The following ADAM12 variants were observed in gnomAD, a reference collection of about 807,000 sequenced individuals.
ADAM12 encodes the protein ADAM metallopeptidase domain 12.
A neutral mutation model predicts 106.4 loss-of-function variants in ADAM12; 70 were observed. The ratio of observed to expected loss-of-function variants is 0.66; its 90% CI spans 0.54 to 0.80. ADAM12 has a LOEUF of 0.80. Among genes scored for constraint, ADAM12 ranks in the 30% least tolerant of loss-of-function variants. ADAM12 has a pLI of 0.00. For synonymous variants in ADAM12, 420 were observed against 433.5 expected, an observed-to-expected ratio of 0.97 and a Z score of 0.39; for missense variants, 1,010 against 1,171.9, an observed-to-expected ratio of 0.86 and a Z score of 2.02.
chr10:126,263,840 C>T (rs1959047470), intron 3 of ADAM12, among the ~76,000 whole-genome samples: 1 of 152,066 alleles, frequency 6.6e-6, no homozygotes, highest in Non-Finnish European at 1.5e-5. Context: ...TATGTAATAT[C>T]TATACAGGTA....
chr10:126,232,979 T>C (rs890389778), intron 3 of ADAM12, among the ~76,000 whole-genome samples: 2 of 152,026 alleles, frequency 1.3e-5, no homozygotes, highest in East Asian at 1.9e-4. Context: ...GGGAAAGATG[T>C]GGCATCTCGA....
chr10:126,241,803 T>C (rs1958529726), intron 3 of ADAM12, among the ~76,000 whole-genome samples: 1 of 152,234 alleles, frequency 6.6e-6, no homozygotes, highest in Non-Finnish European at 1.5e-5. Context: ...CAGCAGATGC[T>C]TAATAAATGG....
chr10:126,039,666 G>A (rs1018207206), intron 18 of ADAM12, among the ~76,000 whole-genome samples: 1 of 152,176 alleles, frequency 6.6e-6, no homozygotes, highest in African/African-American at 2.4e-5. Flanking sequence ...ATATATAGTC[G>A]GGTAGGTGGG....
At chr10:126,060,409 C>G (rs1199883518) in intron 14 of ADAM12, among the ~76,000 whole-genome samples, 1 of 152,152 alleles carries the variant, frequency 6.6e-6, no homozygotes, top group East Asian at 1.9e-4. Flanking sequence ...TTCTGGGCAA[C>G]TCAGCAACTC....
intron 2 of ADAM12, among the ~76,000 whole-genome samples, chr10:126,285,647 C>T (rs1959820866): frequency 6.6e-6 from 1 of 152,196 alleles, no homozygotes; most frequent in Non-Finnish European, 1.5e-5. Flanking sequence ...TACTCCAAAT[C>T]CCTCTTTCCT....
chr10:126,164,727 C>T (rs1333725919), intron 3 of ADAM12, among the ~76,000 whole-genome samples: 2 of 152,162 alleles, frequency 1.3e-5, no homozygotes, highest in East Asian at 3.8e-4. Context: ...CCGGACCCTG[C>T]ATCCTCTGAA....
chr10:126,246,859 A>G (rs1009688400), intron 3 of ADAM12, among the ~76,000 whole-genome samples: 1 of 152,232 alleles, frequency 6.6e-6, no homozygotes, highest in Non-Finnish European at 1.5e-5. Flanking sequence ...CCTATTCAGC[A>G]TAGTATTGGA....
rs138252087 is a variant in ADAM12 at position 126,349,548 on chromosome 10, G to T, written c.89-19039C>A. ...AGTTTATGAGGGGGCTGGTGCCAGA[G>T]GTGCCTGTTTTAGTATGCAGTTGTT... On this transcript the variant is annotated intron_variant, in intron 1 of 22. Coordinates refer to ENST00000448723, the MANE Select transcript of ADAM12 (RefSeq NM_001288973.2). 4.1e-3 allele frequency among the ~76,000 whole-genome samples: 619 copies of T among 152,284 alleles called. 9 individuals carry two copies. Among genetic ancestry groups the T allele is most frequent in the African/African-American group, 0.014 (596 of 41,572 alleles).
chr10:126,252,814 C>G (rs73384730), intron 3 of ADAM12, among the ~76,000 whole-genome samples: 5,584 of 152,178 alleles, frequency 0.037, 335 homozygotes, highest in African/African-American at 0.12. Context: ...AAATTAACCA[C>G]CACAGTCACA....
At chr10:126,287,770 T>C (rs2366699) in intron 2 of ADAM12, among the ~76,000 whole-genome samples, 72,789 of 151,188 alleles carry the variant, frequency 0.48, 18,652 homozygotes, top group African/African-American at 0.67. Context: ...CCTAAGGGGG[T>C]TGTTGGTTCT....
At chr10:126,194,159 C>T (rs982587915) in intron 3 of ADAM12, among the ~76,000 whole-genome samples, 1 of 150,990 alleles carries the variant, frequency 6.6e-6, no homozygotes. Flanking sequence ...TTAAATACAG[C>T]GTGTTATGTA....
intron 11 of ADAM12, among the ~76,000 whole-genome samples, chr10:126,073,222 G>T (rs1955033660): frequency 6.6e-6 from 1 of 152,066 alleles, no homozygotes; most frequent in South Asian, 2.1e-4. Context: ...TCAAGTAGCT[G>T]GGATTACAGG....
chr10:126,255,840 C>T (rs944291883), intron 3 of ADAM12, among the ~76,000 whole-genome samples: 4 of 152,178 alleles, frequency 2.6e-5, no homozygotes, highest in Non-Finnish European at 4.4e-5. Context: ...CCGAGGCACA[C>T]GCCTGGTCAT....
intron 2 of ADAM12, among the ~76,000 whole-genome samples, chr10:126,285,909 C>T (rs1959832774): frequency 6.6e-6 from 1 of 151,970 alleles, no homozygotes; most frequent in South Asian, 2.1e-4. Flanking sequence ...TCCCAGTGAA[C>T]TGGCTGTACA....
At chr10:126,172,824 A>G (rs971704878) in intron 3 of ADAM12, among the ~76,000 whole-genome samples, 5 of 152,236 alleles carry the variant, frequency 3.3e-5, no homozygotes, top group African/African-American at 4.8e-5. Flanking sequence ...TTACTGCAGC[A>G]TTGTTCACAA....
rs184009697 is a variant in ADAM12 at position 126,076,260 on chromosome 10, C to T, written c.1146-4606G>A. Among the ~76,000 whole-genome samples the T allele has an allele frequency of 2.6e-5, 4 of 152,350 alleles. No homozygotes were observed. In the East Asian group the frequency reaches 7.7e-4, roughly 29 times the overall value. On this transcript the variant is annotated intron_variant, in intron 11 of 22. Coordinates refer to ENST00000448723, the MANE Select transcript of ADAM12 (RefSeq NM_001288973.2). The stretch of plus-strand genomic sequence containing the variant: ...CATGTTGCTGCAAAGGACATAATTT[C>T]GTTCTTTTGATGGCTGTGTAGTATT...
chr10:126,028,278 A>G (rs140028966), intron 21 of ADAM12, among the ~76,000 whole-genome samples: 1,844 of 152,296 alleles, frequency 0.012, 42 homozygotes, highest in African/African-American at 0.042. Context: ...TATCCCCATC[A>G]AACTACTATT....
chr10:126,075,338 A>G (rs955652189), intron 11 of ADAM12, among the ~76,000 whole-genome samples: 1 of 152,184 alleles, frequency 6.6e-6, no homozygotes, highest in African/African-American at 2.4e-5. Context: ...TTAGAGGAAG[A>G]AAATCAGAAC....
At chr10:126,147,384 C>T (rs1484422711) in intron 4 of ADAM12, among the ~76,000 whole-genome samples, 5 of 152,276 alleles carry the variant, frequency 3.3e-5, no homozygotes, top group Admixed American at 1.3e-4. Context: ...CCTCTGACTA[C>T]GACTTCATGC....
Sources: allele counts gnomAD v4.1 joint callset (sites outside exome capture counted in the v4.1 genomes callset), GRCh38; gene constraint gnomAD v4.1.1; transcripts MANE v1.5; gene names NCBI Gene and HGNC (gene_info 2026-07-23, HGNC 2026-07-21).